Variants in KIAA0408 observed in about 807,000 individuals in gnomAD.
KIAA0408 encodes uncharacterized protein KIAA0408.
In KIAA0408, 51 loss-of-function variants were observed where a neutral mutation model predicts 60.9. The ratio of observed to expected loss-of-function variants is 0.84; its 90% CI spans 0.67 to 1.06. The LOEUF (loss-of-function observed/expected upper bound fraction) is 1.06, where lower values mean the gene tolerates loss of function less well. Among genes scored for constraint, KIAA0408 ranks in the 50% least tolerant of loss-of-function variants. The pLI, the probability that KIAA0408 is intolerant of heterozygous loss-of-function variation, is 0.00. For synonymous variants in KIAA0408, 304 were observed against 282.4 expected (o/e 1.08, Z -0.77); for missense variants, 787 against 833.9 (o/e 0.94, Z 0.69).
rs778156206 is a variant in KIAA0408 at position 127,450,233 on chromosome 6, G to A, written c.255C>T (p.Pro85=). ...EKVIESSPNY[P]DLGQSEFIRT... ...TTATAAATTCACTTTGTCCTAAATC[G>A]GGGTAATTTGGGGAAGATTCTATCA... Residue 85 remains proline, a synonymous_variant, in exon 3 of 6, where the codon CCC becomes CCT. Coordinates refer to ENST00000483725, the MANE Select transcript of KIAA0408 (RefSeq NM_014702.5). 1.7e-5 allele frequency: 28 copies of A among 1,613,636 alleles called. No individual in the cohort carries two copies. The highest frequency in any genetic ancestry group is 1.3e-4 in the East Asian group (6 of 44,870).
chr6:127,446,694 C>G lies in KIAA0408; in HGVS notation c.1625G>C (p.Trp542Ser). The change falls in exon 5 of 6, where the codon TGG (tryptophan) becomes TCG (serine). Residue 542 changes from tryptophan (W) to serine (S), a missense_variant. Trp to Ser is a radical substitution (Grantham distance 177). This residue lies in a region of KIAA0408 where 640 missense variants were observed against 681.3 expected (regional missense o/e 0.94). Transcript: ENST00000483725. Reference protein sequence around the residue: ...SYRNMLHEHDWRPSNLSGRPR... With the variant: ...SYRNMLHEHDSRPSNLSGRPR... ...ACGGCCAGACAAATTACTCGGTCTCCAGTCATGCTCGTGGAGCATATTTCG... is the reference window on the plus strand; with the variant it reads ...ACGGCCAGACAAATTACTCGGTCTCGAGTCATGCTCGTGGAGCATATTTCG... 1 of 1,614,002 alleles carries G rather than the reference C, an allele frequency of 6.2e-7. No individual in the cohort carries two copies. Among genetic ancestry groups the G allele is most frequent in the Non-Finnish European group, 8.5e-7 (1 of 1,180,010 alleles).
At chr6:127,455,489 A>T (rs757172258) in intron 1 of KIAA0408, among the ~76,000 whole-genome samples, 12 of 152,196 alleles carry the variant, frequency 7.9e-5, no homozygotes, top group Non-Finnish European at 1.3e-4. Context: ...ACTAGTAAAC[A>T]GTTTTGAATC....
chr6:127,445,250 A>G (rs905832478), intron 5 of KIAA0408, among the ~76,000 whole-genome samples: 6 of 152,210 alleles, frequency 3.9e-5, no homozygotes, highest in African/African-American at 1.4e-4. Flanking sequence ...CTCCCTGCCA[A>G]ACTCCCAATG....
chr6:127,446,494 G>C lies in KIAA0408; in HGVS notation c.1825C>G (p.Gln609Glu), dbSNP rs543284716. 1.2e-6 allele frequency: 2 copies of C among 1,614,018 alleles called. No homozygotes were observed. The highest frequency in any genetic ancestry group is 2.2e-5 in the South Asian group (2 of 91,068). Reference sequence around the variant, plus strand: ...TTTTGCTGAAACTGTTGTTCCATTTGGAGCATTTCTAAATGCTGACTTAAT... The same window carrying C: ...TTTTGCTGAAACTGTTGTTCCATTTCGAGCATTTCTAAATGCTGACTTAAT... ...ATLSQHLEML[Q>E]MEQQFQQKTA... is the part of the protein sequence containing the mutation. The change falls in exon 5 of 6, where the codon CAA becomes GAA. Residue 609 changes from glutamine to glutamate, a missense_variant. Physicochemically the swap from Gln to Glu is conservative, Grantham distance 29. This residue lies in a region of KIAA0408 where 133 missense variants were observed against 119.2 expected (regional missense o/e 1.12). Coordinates refer to ENST00000483725, the MANE Select transcript of KIAA0408 (RefSeq NM_014702.5).
intron 4 of KIAA0408, among the ~76,000 whole-genome samples, chr6:127,448,575 AAATATCG>A (rs201309103): frequency 0.029 from 4,386 of 152,286 alleles, 97 homozygotes; most frequent in Middle Eastern, 0.048. Context: ...ATAAAAAACT[AAATATCG>A]CAATTCAAAC....
In KIAA0408 at chr6:127,443,322, A is replaced by T. The variant is rs1298867550; in HGVS notation, c.*787T>A. 6.6e-6 allele frequency: 1 copy of T among 152,170 alleles called. No homozygotes were observed. Among genetic ancestry groups the T allele is most frequent in the Non-Finnish European group, 1.5e-5 (1 of 68,006 alleles). 9.4% of individuals were successfully genotyped at this position (152,170 alleles called of 1,614,324 possible). ...ATGTCATTTATAATGCAGTCTCATG[A>T]TACTGTCTCTGAGGATCAAATATTC... On this transcript the variant is annotated 3_prime_UTR_variant, in exon 6 of 6. Transcript: ENST00000483725.
At chr6:127,454,578 C>T (rs1054963955) in intron 1 of KIAA0408, among the ~76,000 whole-genome samples, 2 of 152,074 alleles carry the variant, frequency 1.3e-5, no homozygotes, top group Admixed American at 6.6e-5. Context: ...AGAGATCAAG[C>T]CTGTGCCAAA....
rs1415835446 is a variant in KIAA0408, at chr6:127,446,767, T to C, written c.1552A>G (p.Thr518Ala). Residue 518 changes from threonine to alanine, a missense_variant, in exon 5 of 6, where the codon ACA (threonine) becomes GCA (alanine). Around this residue, in one of 3 missense-constraint regions of KIAA0408, gnomAD observed 640 missense variants for 681.3 expected, o/e 0.94. Transcript: ENST00000483725. ...VPDNPTKKST[T>A]GLVRQMQGHL... Reference sequence around the variant, plus strand: ...CCCTGCATTTGTCTTACTAGGCCTGTTGTGGATTTCTTGGTGGGATTATCA... The same window carrying C: ...CCCTGCATTTGTCTTACTAGGCCTGCTGTGGATTTCTTGGTGGGATTATCA... 1.2e-6 allele frequency: 2 copies of C among 1,614,004 alleles called. No homozygotes were observed. Among genetic ancestry groups the C allele is most frequent in the Non-Finnish European group, 1.7e-6 (2 of 1,179,994 alleles).
intron 1 of KIAA0408, 62 bp from the exon 2 acceptor site, chr6:127,454,163 C>T: frequency 7.9e-7 from 1 of 1,263,774 alleles, no homozygotes; most frequent in Non-Finnish European, 1.0e-6. Context: ...TATATTTTAT[C>T]ATTTTGTCGA....
chr6:127,455,171 A>G (rs1773371310), intron 1 of KIAA0408, among the ~76,000 whole-genome samples: 1 of 152,132 alleles, frequency 6.6e-6, no homozygotes. Flanking sequence ...GGGGTAGAAA[A>G]GCATGTTTAA....
Position 127,446,587 on chromosome 6 carries a change from A to G in KIAA0408, c.1732T>C (p.Leu578=), listed in dbSNP as rs1168976902. The stretch of plus-strand genomic sequence containing the variant: ...TCCTGGAAGCACTTAGAATTTTGCA[A>G]TGCAGACTCTGTTGCTGTCTCATAG... ...KTYETATESA[L]QNSKCFQDNW... Residue 578 remains leucine, a synonymous_variant, in exon 5 of 6, where the codon TTG becomes CTG. Transcript: ENST00000483725. 1.4e-5 allele frequency: 22 copies of G among 1,614,034 alleles called. No homozygotes were observed. Among genetic ancestry groups the G allele is most frequent in the Non-Finnish European group, 1.9e-5 (22 of 1,180,032 alleles).
At position 127,442,530 on chromosome 6, in the gene KIAA0408, T is replaced by G. The variant is rs1291155810; in HGVS notation, c.*1579A>C. ...AGTTACCATCCAATACAAATCACTC[T>G]AGACCTTTAATTCCACTTAACTACC... On this transcript the variant is annotated 3_prime_UTR_variant, in exon 6 of 6. Coordinates refer to ENST00000483725, the MANE Select transcript of KIAA0408 (RefSeq NM_014702.5). 6.6e-6 allele frequency: 1 copy of G among 152,238 alleles called. No homozygotes were observed. Among genetic ancestry groups the G allele is most frequent in the Non-Finnish European group, 1.5e-5 (1 of 68,044 alleles). 9.4% of individuals were successfully genotyped at this position (152,238 alleles called of 1,614,324 possible).
chr6:127,453,714 G>T, intron 2 of KIAA0408, 133 bp downstream of exon 2: 1 of 1,183,510 alleles, frequency 8.4e-7, no homozygotes, highest in Non-Finnish European at 1.1e-6. Context: ...TTTTGTTCTA[G>T]TAAATGTCAC....
chr6:127,450,380 A>C (rs762114194), intron 2 of KIAA0408, 28 bp from the exon 3 acceptor site: 9 of 1,549,414 alleles, frequency 5.8e-6, no homozygotes, highest in African/African-American at 1.4e-5. Flanking sequence ...CAAAATTAAA[A>C]CTTCTTTTCC....
intron 5 of KIAA0408, among the ~76,000 whole-genome samples, chr6:127,445,672 T>C (rs967903309): frequency 1.3e-5 from 2 of 152,198 alleles, no homozygotes; most frequent in South Asian, 2.1e-4. Flanking sequence ...GAGAGTGTTG[T>C]ATAACTCTTC....
At position 127,444,244 on chromosome 6, in the gene KIAA0408, A is replaced by C. The variant is rs141340820; in HGVS notation, c.1950T>G (p.Phe650Leu). 16 of 1,608,688 alleles carry C rather than the reference A, an allele frequency of 9.9e-6. No individual in the cohort carries two copies. Among genetic ancestry groups the C allele is most frequent in the Admixed American group, 1.7e-5 (1 of 58,826 alleles). Residue 650 changes from phenylalanine to leucine, a missense_variant, in exon 6 of 6, where the codon TTT becomes TTG. Phe to Leu is a conservative substitution (Grantham distance 22). Coordinates refer to ENST00000483725, the MANE Select transcript of KIAA0408 (RefSeq NM_014702.5). The part of the protein sequence containing the change: ...MSVNASHGKG[F>L]SRPARPANRR... ...GATTTGCTGGTCTAGCAGGTCGGGA[A>C]AATCCTTTTCCATGTGAGGCGTTCA... is the stretch of plus-strand genomic sequence containing the variant.
intron 2 of KIAA0408, among the ~76,000 whole-genome samples, chr6:127,452,919 A>G (rs773180588): frequency 3.9e-5 from 6 of 152,188 alleles, no homozygotes; most frequent in South Asian, 4.1e-4. Context: ...TTTTAGAGGA[A>G]GGGCTTAATA....
intron 2 of KIAA0408, among the ~76,000 whole-genome samples, chr6:127,451,904 G>T (rs1773308719): frequency 6.6e-6 from 1 of 152,150 alleles, no homozygotes; most frequent in South Asian, 2.1e-4. Context: ...CCTTGTCAAT[G>T]GTTATCTGAT....
chr6:127,446,651 G>A lies in KIAA0408; in HGVS notation c.1668C>T (p.Pro556=), dbSNP rs561359691. The A allele has an allele frequency of 1.2e-6, 2 of 1,613,992 alleles. No homozygotes were observed. The highest frequency in any genetic ancestry group is 2.2e-5 in the East Asian group (1 of 44,868). ...TTTCCACAACACCATAATTTGACCT[G>A]GGATCAGCTGACCTCGGACGGCCAG... ...NLSGRPRSAD[P]RSNYGVVEKL... Residue 556 remains proline (P), a synonymous_variant, in exon 5 of 6, where the codon CCC becomes CCT. Coordinates refer to ENST00000483725, the MANE Select transcript of KIAA0408 (RefSeq NM_014702.5).
Sources: allele counts gnomAD v4.1 joint callset (sites outside exome capture counted in the v4.1 genomes callset), GRCh38; gene constraint gnomAD v4.1.1; regional missense constraint gnomAD v4.1.1; transcripts MANE v1.5; gene names NCBI Gene and HGNC (gene_info 2026-07-23, HGNC 2026-07-21).